TSHZ2: variants seen among roughly 807,000 people sequenced by gnomAD.
The protein encoded by TSHZ2 is teashirt homolog 2.
Under a neutral mutation model 74.4 loss-of-function variants are expected in TSHZ2, and 21 were observed. The ratio of observed to expected loss-of-function variants is 0.28; its 90% CI spans 0.20 to 0.41. The LOEUF (loss-of-function observed/expected upper bound fraction) is 0.41, where lower values mean the gene tolerates loss of function less well. Ranked by LOEUF, TSHZ2 falls within the 10% of genes least tolerant of loss-of-function variation. The pLI is 1.00. For missense variants in TSHZ2, 1,244 were observed against 1,293.5 expected, an observed-to-expected ratio of 0.96 and a Z score of 0.59; for synonymous variants, 540 against 515.3, an observed-to-expected ratio of 1.05 and a Z score of -0.65.
At chr20:53,183,664 T>C (rs970896754) in intron 1 of TSHZ2, among the ~76,000 whole-genome samples, 3 of 152,220 alleles carry the variant, frequency 2.0e-5, no homozygotes, top group African/African-American at 7.2e-5. Context: ...AGGAGTTTCC[T>C]GGAATGCAGG....
chr20:53,062,978 G>A (rs1414325642), intron 1 of TSHZ2, among the ~76,000 whole-genome samples: 2 of 152,086 alleles, frequency 1.3e-5, no homozygotes, highest in African/African-American at 4.8e-5. Flanking sequence ...CTAATTTCAG[G>A]AAATAAGGAG....
intron 2 of TSHZ2, among the ~76,000 whole-genome samples, chr20:53,430,038 C>G (rs1040216718): frequency 4.6e-5 from 7 of 152,116 alleles, no homozygotes; most frequent in Non-Finnish European, 1.0e-4. Flanking sequence ...CAAAATCACT[C>G]CCAATTGAAA....
intron 1 of TSHZ2, among the ~76,000 whole-genome samples, chr20:53,072,093 A>C (rs1484452140): frequency 6.6e-6 from 1 of 152,128 alleles, no homozygotes. Flanking sequence ...AGTCGCGCGG[A>C]GGCTGGGGAA....
chr20:52,999,639 C>T (rs1303158149), intron 1 of TSHZ2, among the ~76,000 whole-genome samples: 1 of 152,118 alleles, frequency 6.6e-6, no homozygotes, highest in African/African-American at 2.4e-5. Context: ...ACCCTGTTGC[C>T]CAGATTTTCC....
intron 1 of TSHZ2, among the ~76,000 whole-genome samples, chr20:53,016,506 C>T (rs1050762055): frequency 1.3e-5 from 2 of 152,138 alleles, no homozygotes; most frequent in Non-Finnish European, 2.9e-5. Context: ...CTGTCTCCAC[C>T]CATCCTCAAC....
chr20:53,458,847 T>C (rs923425672), intron 2 of TSHZ2, among the ~76,000 whole-genome samples: 1 of 152,094 alleles, frequency 6.6e-6, no homozygotes, highest in African/African-American at 2.4e-5. Context: ...GAGCAGGTTG[T>C]TCAGTTTCCA....
chr20:53,453,776 T>C (rs1984921069), intron 2 of TSHZ2, among the ~76,000 whole-genome samples: 1 of 152,190 alleles, frequency 6.6e-6, no homozygotes, highest in Admixed American at 6.5e-5. Context: ...TTAGATTTGC[T>C]TGAAAATAGG....
chr20:52,979,530 G>T (rs1320305367), intron 1 of TSHZ2, among the ~76,000 whole-genome samples: 1 of 152,126 alleles, frequency 6.6e-6, no homozygotes, highest in Non-Finnish European at 1.5e-5. Flanking sequence ...CATACACAGA[G>T]ACACAGAAGA....
At chr20:53,027,045 G>T (rs1983472040) in intron 1 of TSHZ2, among the ~76,000 whole-genome samples, 2 of 151,680 alleles carry the variant, frequency 1.3e-5, no homozygotes. Context: ...GTACTCTAAT[G>T]TACTCTAATG....
At chr20:52,978,078 A>C (rs1244158204) in intron 1 of TSHZ2, among the ~76,000 whole-genome samples, 2 of 152,202 alleles carry the variant, frequency 1.3e-5, no homozygotes, top group African/African-American at 4.8e-5. Flanking sequence ...CTTTTGTCAT[A>C]GTCTCCAACG....
At chr20:53,214,611 G>A (rs1014082165) in intron 1 of TSHZ2, among the ~76,000 whole-genome samples, 2 of 152,216 alleles carry the variant, frequency 1.3e-5, no homozygotes, top group African/African-American at 4.8e-5. Flanking sequence ...TACCTGGGAG[G>A]ATTAGGCAAG....
chr20:53,331,737 A>AAGTGTAT (rs1979729498), intron 2 of TSHZ2, among the ~76,000 whole-genome samples: 1 of 151,158 alleles, frequency 6.6e-6, no homozygotes, highest in Non-Finnish European at 1.5e-5. Context: ...CAGATTAGGA[A>AAGTGTAT]AAGGGTTATG....
At chr20:53,151,312 C>G (rs1470946064) in intron 1 of TSHZ2, among the ~76,000 whole-genome samples, 1 of 152,182 alleles carries the variant, frequency 6.6e-6, no homozygotes, top group Non-Finnish European at 1.5e-5. Flanking sequence ...TAATATCAAG[C>G]CTCGGCTAAT....
At chr20:53,271,584 C>T (rs1197576296) in intron 2 of TSHZ2, among the ~76,000 whole-genome samples, 1 of 152,128 alleles carries the variant, frequency 6.6e-6, no homozygotes, top group East Asian at 1.9e-4. Context: ...GCTAGCACAA[C>T]AGAAGTACGG....
intron 2 of TSHZ2, among the ~76,000 whole-genome samples, chr20:53,346,169 A>G (rs1003429295): frequency 6.6e-6 from 1 of 152,218 alleles, no homozygotes; most frequent in African/African-American, 2.4e-5. Flanking sequence ...AATGAAATGC[A>G]TAATTAACAT....
At chr20:53,325,987 T>C (rs1444131720) in intron 2 of TSHZ2, among the ~76,000 whole-genome samples, 3 of 152,138 alleles carry the variant, frequency 2.0e-5, no homozygotes, top group Non-Finnish European at 2.9e-5. Flanking sequence ...TTTACCATGT[T>C]GGCTAGGCTG....
chr20:53,053,390 T>G (rs1984538741), intron 1 of TSHZ2, among the ~76,000 whole-genome samples: 1 of 152,148 alleles, frequency 6.6e-6, no homozygotes, highest in African/African-American at 2.4e-5. Flanking sequence ...AGAATTTCCC[T>G]TTTCTCTACC....
intron 2 of TSHZ2, among the ~76,000 whole-genome samples, chr20:53,462,102 A>G (rs920425453): frequency 6.6e-6 from 1 of 152,050 alleles, no homozygotes; most frequent in Non-Finnish European, 1.5e-5. Flanking sequence ...AAAAGAAAAA[A>G]AACTAGCAGG....
intron 1 of TSHZ2, among the ~76,000 whole-genome samples, chr20:53,080,699 G>C (rs761577916): frequency 3.3e-5 from 5 of 152,114 alleles, no homozygotes; most frequent in Non-Finnish European, 7.4e-5. Flanking sequence ...AGTTTAGGTG[G>C]TAATGTTCGC....
Sources: allele counts gnomAD v4.1 joint callset (sites outside exome capture counted in the v4.1 genomes callset), GRCh38; gene constraint gnomAD v4.1.1; transcripts MANE v1.5; gene names NCBI Gene and HGNC (gene_info 2026-07-23, HGNC 2026-07-21).